Variants in AGMO observed in about 807,000 individuals in gnomAD.
The protein encoded by AGMO is alkylglycerol monooxygenase, also known as glyceryl-ether monooxygenase.
A neutral mutation model predicts 60.2 loss-of-function variants in AGMO; 75 were observed. The ratio of observed to expected loss-of-function variants is 1.25; its 90% CI spans 1.03 to 1.51. The LOEUF (loss-of-function observed/expected upper bound fraction) is 1.51. Ranked by LOEUF, AGMO falls within the 40% of genes most tolerant of loss-of-function variation. The pLI, the probability that AGMO is intolerant of heterozygous loss-of-function variation, is 0.00. For synonymous variants in AGMO, 261 were observed against 177.1 expected (o/e 1.47, Z -3.76); for missense variants, 763 against 525.5 (o/e 1.45, Z -4.42).
At chr7:15,224,375 A>C (rs1442613922) in intron 12 of AGMO, among the ~76,000 whole-genome samples, 3 of 151,884 alleles carry the variant, frequency 2.0e-5, no homozygotes, top group Non-Finnish European at 4.4e-5. Flanking sequence ...AATGGGATGA[A>C]TGTACTTATA....
chr7:15,498,345 C>A (rs1411872462), intron 3 of AGMO, among the ~76,000 whole-genome samples: 4 of 151,940 alleles, frequency 2.6e-5, no homozygotes, highest in African/African-American at 9.7e-5. Context: ...AGTTTCAAGT[C>A]TAACTATTTT....
At chr7:15,467,224 CACT>C (rs1411855159) in intron 3 of AGMO, among the ~76,000 whole-genome samples, 6 of 152,066 alleles carry the variant, frequency 3.9e-5, no homozygotes, top group Non-Finnish European at 7.4e-5. Flanking sequence ...GTGTTGAATT[CACT>C]ATGGCTTCCC....
chr7:15,506,451 T>C (rs569354107), intron 3 of AGMO, among the ~76,000 whole-genome samples: 1 of 152,142 alleles, frequency 6.6e-6, no homozygotes, highest in East Asian at 1.9e-4. Flanking sequence ...CTAACATTCG[T>C]TTGTCTTTAT....
intron 3 of AGMO, among the ~76,000 whole-genome samples, chr7:15,498,772 T>C (rs1439327240): frequency 6.6e-6 from 1 of 151,970 alleles, no homozygotes; most frequent in Non-Finnish European, 1.5e-5. Context: ...GGTTTCTGTT[T>C]TATTGTGTTT....
chr7:15,553,944 A>G lies in AGMO; in HGVS notation c.257+6197T>C, dbSNP rs573242580. Among the ~76,000 whole-genome samples the G allele has an allele frequency of 7.2e-5, 11 of 152,220 alleles. No homozygotes were observed. In the East Asian group the frequency reaches 2.1e-3, roughly 29 times the overall value. ...GAAGCCTAACTTCCCTCAAGACACA[A>G]AGAAAGAGGGGAGAAGCTGTGGGAG... On this transcript the variant is annotated intron_variant, in intron 2 of 12. Coordinates refer to ENST00000342526, the MANE Select transcript of AGMO (RefSeq NM_001004320.2).
At chr7:15,177,752 C>T in the AGMO span, among the ~76,000 whole-genome samples, 6 of 152,048 alleles carry the variant, frequency 3.9e-5, no homozygotes, top group Non-Finnish European at 5.9e-5. Context: ...ATCTTCTAAA[C>T]CTCCAGTTTT....
intron 3 of AGMO, among the ~76,000 whole-genome samples, chr7:15,478,401 T>A (rs113363199): frequency 1.1e-4 from 17 of 152,252 alleles, no homozygotes; most frequent in African/African-American, 4.1e-4. Flanking sequence ...TCACTGAAAA[T>A]ACATTGAAGT....
intron 12 of AGMO, among the ~76,000 whole-genome samples, chr7:15,203,564 GAT>G (rs1781362141): frequency 6.6e-6 from 1 of 150,676 alleles, no homozygotes; most frequent in Non-Finnish European, 1.5e-5. Context: ...CCTTCAAAGA[GAT>G]GTACAACTGG....
At chr7:15,172,782 T>A in the AGMO span, among the ~76,000 whole-genome samples, 2 of 152,182 alleles carry the variant, frequency 1.3e-5, no homozygotes, top group East Asian at 3.9e-4. Context: ...AAGTGTGAAG[T>A]AAAGAAGTTG....
chr7:15,404,089 T>C (rs1583515448), intron 5 of AGMO, among the ~76,000 whole-genome samples: 1 of 151,890 alleles, frequency 6.6e-6, no homozygotes, highest in East Asian at 1.9e-4. Flanking sequence ...AGTTTGGAAA[T>C]AAAACAATCT....
At chr7:15,386,197 A>AG (rs1783905503) in intron 9 of AGMO, among the ~76,000 whole-genome samples, 2 of 74,496 alleles carry the variant, frequency 2.7e-5, no homozygotes, top group African/African-American at 6.4e-5. Context: ...AGAAAAGAAA[A>AG]AAAAGGTGAT....
At chr7:15,226,852 G>A (rs1428198363) in intron 12 of AGMO, among the ~76,000 whole-genome samples, 1 of 151,988 alleles carries the variant, frequency 6.6e-6, no homozygotes, top group Admixed American at 6.6e-5. Context: ...ATGAAAAATA[G>A]TCTGGCAGAA....
At chr7:15,311,099 A>T (rs776220487) in intron 12 of AGMO, among the ~76,000 whole-genome samples, 5 of 152,110 alleles carry the variant, frequency 3.3e-5, no homozygotes, top group African/African-American at 1.2e-4. Context: ...TAAAACATGG[A>T]CATATTTGGG....
At chr7:15,315,692 A>G (rs73062590) in intron 12 of AGMO, among the ~76,000 whole-genome samples, 12,902 of 152,174 alleles carry the variant, frequency 0.085, 788 homozygotes, top group South Asian at 0.24. Context: ...TCTAAAATTA[A>G]TAGACATCTA....
At chr7:15,414,477 C>T (rs991406941) in intron 5 of AGMO, among the ~76,000 whole-genome samples, 1 of 144,612 alleles carries the variant, frequency 6.9e-6, no homozygotes, top group African/African-American at 2.7e-5. Context: ...GACACACATA[C>T]ACACACACAC....
chr7:15,164,031 T>C, the AGMO span, among the ~76,000 whole-genome samples: 1 of 152,070 alleles, frequency 6.6e-6, no homozygotes, highest in African/African-American at 2.4e-5. Flanking sequence ...AACAGCATGG[T>C]ACTTGTATAA....
chr7:15,388,205 A>G (rs1784002365), intron 8 of AGMO, among the ~76,000 whole-genome samples: 1 of 152,232 alleles, frequency 6.6e-6, no homozygotes. Context: ...TATGACAATA[A>G]GGAATCTGAA....
At chr7:15,417,904 T>C (rs1430185899) in intron 5 of AGMO, among the ~76,000 whole-genome samples, 1 of 152,190 alleles carries the variant, frequency 6.6e-6, no homozygotes, top group Non-Finnish European at 1.5e-5. Context: ...AGAATTTTTC[T>C]AGGTCTGTGA....
At chr7:15,354,440 A>ATG (rs1782415199) in intron 12 of AGMO, among the ~76,000 whole-genome samples, 1 of 20,568 alleles carries the variant, frequency 4.9e-5, no homozygotes, top group Non-Finnish European at 7.1e-5. Context: ...GTGTGTGTAT[A>ATG]CACACGTGTG....
Sources: allele counts gnomAD v4.1 joint callset (sites outside exome capture counted in the v4.1 genomes callset), GRCh38; gene constraint gnomAD v4.1.1; transcripts MANE v1.5; gene names NCBI Gene and HGNC (gene_info 2026-07-23, HGNC 2026-07-21).